Variants in IDUA observed in about 807,000 individuals in gnomAD.
The protein encoded by IDUA is alpha-L-iduronidase.
Under a neutral mutation model 68.9 loss-of-function variants are expected in IDUA, and 65 were observed. The observed-to-expected ratio is 0.94, with a 90% CI of 0.77 to 1.16. The LOEUF is 1.16. IDUA is among the 50% of genes most tolerant of loss of function. The probability of loss-of-function intolerance (pLI) is 0.00; values close to 1 mark genes in which losing one functional copy is unlikely to be tolerated. For synonymous variants in IDUA, 529 were observed against 433.6 expected (o/e 1.22, Z -2.73); for missense variants, 1,046 against 938.0 (o/e 1.12, Z -1.50).
chr4:990,428 T>C lies in IDUA; in HGVS notation c.299+2479T>C, dbSNP rs1304750550. 2.8e-6 allele frequency: 4 copies of C among 1,450,252 alleles called. No homozygotes were observed. The African/African-American group carries it at 5.6e-5, about 20-fold the overall frequency. The allele number at this position is 1,450,252 out of a possible 1,614,324, so 89.8% of individuals were successfully genotyped here. A position where few individuals can be genotyped will look rare whatever the true frequency, so the allele number is the denominator to read the frequency against. ...GAGCCACCTGCCCCTCACCAGCACC[T>C]GGCATGGCCCGAGGGGTGGTGGTCA... On this transcript the variant is annotated intron_variant, in intron 2 of 13. Coordinates refer to ENST00000514224, the MANE Select transcript of IDUA (RefSeq NM_000203.5).
At position 1,001,743 on chromosome 4, in the gene IDUA, G is replaced by A; in HGVS notation, c.654G>A (p.Leu218=). The stretch of plus-strand genomic sequence containing the variant: ...GCGCCGCCAGCCCCGCCCTGCGGCT[G>A]GGAGGCCCCGGCGACTCCTTCCACA... ...GLRAASPALR[L]GGPGDSFHTP... is the part of the protein sequence containing the mutation. The change falls in exon 6 of 14, where the codon CTG becomes CTA. Residue 218 remains leucine, a synonymous_variant. Transcript: ENST00000514224. The A allele has an allele frequency of 6.3e-7, 1 of 1,598,328 alleles. No homozygotes were observed.
intron 2 of IDUA, among the ~76,000 whole-genome samples, chr4:998,736 C>T (rs868069929): frequency 3.9e-5 from 6 of 152,284 alleles, no homozygotes; most frequent in Middle Eastern, 6.8e-3. Context: ...CATCCACCCG[C>T]CTAGCTGCCC....
intron 2 of IDUA, chr4:988,984 G>A: frequency 6.3e-7 from 1 of 1,594,864 alleles, no homozygotes; most frequent in Non-Finnish European, 8.5e-7. Flanking sequence ...GTCTCTCACA[G>A]GCGGGCTGCA....
intron 2 of IDUA, chr4:990,636 C>T (rs1206496775): frequency 5.9e-5 from 29 of 495,668 alleles, no homozygotes; most frequent in Non-Finnish European, 5.0e-5. Flanking sequence ...TGCAGCAGCC[C>T]GTTTTATTTC....
chr4:1,001,408 C>A (rs1371183148), intron 4 of IDUA, 60 bp from the exon 5 acceptor site: 6 of 1,380,662 alleles, frequency 4.3e-6, no homozygotes, highest in Non-Finnish European at 6.2e-6. Flanking sequence ...ACCCTCCCTC[C>A]GTGGGAGTCA....
chr4:997,103 C>T (rs1012937951), intron 2 of IDUA, among the ~76,000 whole-genome samples: 1 of 152,240 alleles, frequency 6.6e-6, no homozygotes, highest in Non-Finnish European at 1.5e-5. Context: ...TGCCTCCCAC[C>T]CGTGGGAAGA....
At chr4:1,002,222 G>A (rs752910880) in intron 7 of IDUA, 47 bp from the exon 8 acceptor site, 3 of 1,579,166 alleles carry the variant, frequency 1.9e-6, no homozygotes, top group Middle Eastern at 1.7e-4. Flanking sequence ...CGGGACAGGC[G>A]AGCGGTGGCC....
intron 1 of IDUA, 118 bp from the exon 2 acceptor site, chr4:987,689 TGA>T: frequency 6.6e-7 from 1 of 1,524,550 alleles, no homozygotes; most frequent in Non-Finnish European, 8.8e-7. Flanking sequence ...TATTAGTCAC[TGA>T]ACGCACGGGC....
Position 1,002,872 on chromosome 4 carries a change from G to C in IDUA, c.1330G>C (p.Asp444His), listed in dbSNP as rs571833399. Residue 444 changes from aspartate (D) to histidine (H), a missense_variant, in exon 9 of 14, where the codon GAC (aspartate) becomes CAC (histidine). Asp to His is a moderately conservative substitution (Grantham distance 81). Transcript: ENST00000514224. Reference protein sequence around the residue: ...WRAAVLIYASDDTRAHPNRSV... With the variant: ...WRAAVLIYASHDTRAHPNRSV... ...CGCCGCGGTGCTGATCTACGCGAGC[G>C]ACGACACCCGCGCCCACCCCAACCG... is the stretch of plus-strand genomic sequence containing the variant. 1.4e-6 allele frequency: 2 copies of C among 1,442,562 alleles called. No individual in the cohort carries two copies. The highest frequency in any genetic ancestry group is 1.4e-5 in the South Asian group (1 of 72,784). The allele number at this position is 1,442,562 out of a possible 1,614,324, so 89.4% of individuals were successfully genotyped here. A position where few individuals can be genotyped will look rare whatever the true frequency, so the allele number is the denominator to read the frequency against.
At chr4:991,077 C>G (rs1162318504) in intron 2 of IDUA, 2 of 1,499,344 alleles carry the variant, frequency 1.3e-6, no homozygotes, top group African/African-American at 2.8e-5. Flanking sequence ...TGGCCAAAAC[C>G]TAAGGGGGGG....
At chr4:992,354 C>T (rs1398147958) in intron 2 of IDUA, 1 of 372,392 alleles carries the variant, frequency 2.7e-6, no homozygotes, top group Non-Finnish European at 5.5e-6. Flanking sequence ...CCTGTGGGTC[C>T]TGGGGCTGGC....
At chr4:995,148 G>A (rs909467638) in intron 2 of IDUA, among the ~76,000 whole-genome samples, 2 of 151,624 alleles carry the variant, frequency 1.3e-5, no homozygotes, top group South Asian at 4.2e-4. Flanking sequence ...GGGTTCAAGC[G>A]ATTCTCCTGC....
intron 1 of IDUA, chr4:987,558 T>C (rs1713832155): frequency 2.0e-5 from 25 of 1,253,192 alleles, no homozygotes; most frequent in Non-Finnish European, 2.6e-5. Flanking sequence ...CACCTAGAGC[T>C]GAGGTACCCG....
At chr4:990,386 C>T (rs1714190423) in intron 2 of IDUA, 2 of 1,557,044 alleles carry the variant, frequency 1.3e-6, no homozygotes, top group Non-Finnish European at 1.7e-6. Flanking sequence ...GCGGTCAGGC[C>T]AGCAGGCGCC....
chr4:987,744 G>A, intron 1 of IDUA, 65 bp from the exon 2 acceptor site: 1 of 1,605,348 alleles, frequency 6.2e-7, no homozygotes, highest in Non-Finnish European at 8.5e-7. Context: ...GCTTGAACGT[G>A]TGTGTCAGCC....
At position 991,421 on chromosome 4, in the gene IDUA, C is replaced by T. The variant is rs777205197; in HGVS notation, c.299+3472C>T. 29 of 1,612,694 alleles carry T rather than the reference C, an allele frequency of 1.8e-5. 1 individual carries two copies. Among genetic ancestry groups the T allele is most frequent in the South Asian group, 9.9e-5 (9 of 91,094 alleles). The stretch of plus-strand genomic sequence containing the variant: ...TAGAGGCTGTAGATGGGCTGCAGCC[C>T]GGCCAGCAATGAGTAGGCGATGGCC... On this transcript the variant is annotated intron_variant, in intron 2 of 13. Coordinates refer to ENST00000514224, the MANE Select transcript of IDUA (RefSeq NM_000203.5).
In IDUA at chr4:993,840, C is replaced by T. The variant is rs942673973; in HGVS notation, c.299+5891C>T. On this transcript the variant is annotated intron_variant, in intron 2 of 13. Transcript: ENST00000514224. ...CTGGAGCAGGGCAGAGGCTGACAGC[C>T]GGCTCAGCCCAAGGCTGCCGGTGCG... 5.3e-5 allele frequency among the ~76,000 whole-genome samples: 8 copies of T among 152,178 alleles called. 1 individual carries two copies. Among genetic ancestry groups the T allele is most frequent in the African/African-American group, 1.7e-4 (7 of 41,452 alleles).
At chr4:1,001,336 C>A in intron 4 of IDUA, 132 bp from the exon 5 acceptor site, 1 of 831,340 alleles carries the variant, frequency 1.2e-6, no homozygotes, top group Non-Finnish European at 2.1e-6. Context: ...TGATGTGGGG[C>A]GGGAGGCTGG....
chr4:997,842 T>C (rs1714834146), intron 2 of IDUA, among the ~76,000 whole-genome samples: 1 of 152,198 alleles, frequency 6.6e-6, no homozygotes, highest in African/African-American at 2.4e-5. Context: ...GCTGCGAGGC[T>C]GGCCCTGCCA....
Sources: allele counts gnomAD v4.1 joint callset (sites outside exome capture counted in the v4.1 genomes callset), GRCh38; gene constraint gnomAD v4.1.1; transcripts MANE v1.5; gene names NCBI Gene and HGNC (gene_info 2026-07-23, HGNC 2026-07-21).